Variants in KCNJ13 observed in about 807,000 individuals in gnomAD.
The protein encoded by KCNJ13 is potassium inwardly rectifying channel subfamily J member 13.
In KCNJ13, 9 loss-of-function variants were observed where a neutral mutation model predicts 24.6. The ratio of observed to expected loss-of-function variants is 0.37; its 90% confidence interval spans 0.22 to 0.64. The LOEUF is 0.64. Among genes scored for constraint, KCNJ13 ranks in the 30% least tolerant of loss-of-function variants. The pLI is 0.64. For synonymous variants in KCNJ13, 148 were observed against 154.7 expected (o/e 0.96, Z 0.32); for missense variants, 337 against 443.8 (o/e 0.76, Z 2.16).
At position 232,776,544 on chromosome 2, in the gene KCNJ13, T is replaced by G; in HGVS notation, c.-116A>C. 1.1e-6 allele frequency: 1 copy of G among 881,646 alleles called. No homozygotes were observed. Among genetic ancestry groups the G allele is most frequent in the Non-Finnish European group, 1.9e-6 (1 of 533,106 alleles). 54.6% of individuals were successfully genotyped at this position (881,646 alleles called of 1,614,324 possible). On this transcript the variant is annotated 5_prime_UTR_variant, in exon 1 of 3. Transcript: ENST00000233826. ...GATAATTTTAATCTACAAGTCTAGT[T>G]TGTAGGTTCTCTTCTTGGACTGGTT... is the stretch of plus-strand genomic sequence containing the variant.
chr2:232,771,224 T>C lies in KCNJ13; in HGVS notation c.139A>G (p.Ile47Val). Residue 47 changes from isoleucine (I) to valine (V), a missense_variant, in exon 2 of 3, where the codon ATC becomes GTC. By Grantham distance (29) the Ile-to-Val change is conservative. Coordinates refer to ENST00000233826, the MANE Select transcript of KCNJ13 (RefSeq NM_002242.4). ...GLAYLRDAWG[I>V]LMDMRWRWMM... ...CAACGCCAGCGCATGTCCATTAGGATTCCCCAAGCATCTCGAAGATATGCA... is the reference window on the plus strand; with the variant it reads ...CAACGCCAGCGCATGTCCATTAGGACTCCCCAAGCATCTCGAAGATATGCA... 3.1e-6 allele frequency: 5 copies of C among 1,611,642 alleles called. No homozygotes were observed. The highest frequency in any genetic ancestry group is 4.2e-6 in the Non-Finnish European group (5 of 1,177,932).
intron 1 of KCNJ13, among the ~76,000 whole-genome samples, chr2:232,773,604 C>G (rs552008515): frequency 6.6e-6 from 1 of 152,204 alleles, no homozygotes; most frequent in Non-Finnish European, 1.5e-5. Flanking sequence ...GCCCCTGAAA[C>G]TGTCTCAAGT....
intron 1 of KCNJ13, among the ~76,000 whole-genome samples, chr2:232,775,528 C>G (rs2106346200): frequency 6.6e-6 from 1 of 152,240 alleles, no homozygotes; most frequent in Non-Finnish European, 1.5e-5. Flanking sequence ...TAAGTCTCAT[C>G]AGCTGATCCC....
rs1255398950 is a variant in KCNJ13 at position 232,767,297 on chromosome 2, A to G, written c.*894T>C. ...AAGTTATATCTAAGTAAAGCTTTAT[A>G]TCTATAAAGACTTAAATATATTTTT... On this transcript the variant is annotated 3_prime_UTR_variant, in exon 3 of 3. Coordinates refer to ENST00000233826, the MANE Select transcript of KCNJ13 (RefSeq NM_002242.4). 1 of 152,202 alleles carries G rather than the reference A, an allele frequency of 6.6e-6. No individual in the cohort carries two copies. Among genetic ancestry groups the G allele is most frequent in the Non-Finnish European group, 1.5e-5 (1 of 68,024 alleles). The allele number at this position is 152,202 out of a possible 1,614,324, so 9.4% of individuals were successfully genotyped here.
At chr2:232,769,296 C>T (rs578025746) in intron 2 of KCNJ13, among the ~76,000 whole-genome samples, 11 of 151,882 alleles carry the variant, frequency 7.2e-5, no homozygotes, top group South Asian at 2.1e-4. Context: ...TTTGGGAGCC[C>T]GAGGCGGGCG....
intron 2 of KCNJ13, 131 bp downstream of exon 2, chr2:232,770,772 C>A (rs1299315904): frequency 1.5e-6 from 1 of 683,182 alleles, no homozygotes; most frequent in Non-Finnish European, 2.5e-6. Context: ...TTAGACATTA[C>A]CTGCTATCAA....
intron 2 of KCNJ13, 111 bp from the exon 3 acceptor site, chr2:232,768,924 T>C: frequency 1.1e-6 from 1 of 915,562 alleles, no homozygotes; most frequent in South Asian, 1.8e-5. Flanking sequence ...TGCCATGCCT[T>C]TCAGTGAGTC....
chr2:232,766,563 T>A lies in KCNJ13; in HGVS notation c.*1628A>T. The stretch of plus-strand genomic sequence containing the variant: ...CTGTCTTTATGTGTTACAATAGTCT[T>A]GGGTTGGGAAAATCTGTTGGTCTGA... On this transcript the variant is annotated 3_prime_UTR_variant, in exon 3 of 3. Coordinates refer to ENST00000233826, the MANE Select transcript of KCNJ13 (RefSeq NM_002242.4). 1 of 152,402 alleles carries A rather than the reference T, an allele frequency of 6.6e-6. No individual in the cohort carries two copies. Among genetic ancestry groups the A allele is most frequent in the East Asian group, 1.9e-4 (1 of 5,188 alleles). The allele number at this position is 152,402 out of a possible 1,614,324, so 9.4% of individuals were successfully genotyped here. A position where few individuals can be genotyped will look rare whatever the true frequency, so the allele number is the denominator to read the frequency against.
intron 1 of KCNJ13, among the ~76,000 whole-genome samples, chr2:232,775,520 A>G (rs922854814): frequency 1.3e-5 from 2 of 152,172 alleles, no homozygotes; most frequent in Admixed American, 6.6e-5. Context: ...CTGATATTTA[A>G]GTCTCATCAG....
At chr2:232,768,888 A>G (rs912138291) in intron 2 of KCNJ13, 75 bp from the exon 3 acceptor site, 74 of 1,284,678 alleles carry the variant, frequency 5.8e-5, no homozygotes, top group Non-Finnish European at 1.2e-5. Flanking sequence ...TGACAAGTGT[A>G]TATCAAATAT....
intron 2 of KCNJ13, among the ~76,000 whole-genome samples, chr2:232,770,532 G>C (rs1349230864): frequency 2.0e-5 from 3 of 151,844 alleles, no homozygotes; most frequent in African/African-American, 7.3e-5. Flanking sequence ...TGTCAAAATA[G>C]GTATTGAATG....
At position 232,765,991 on chromosome 2, in the gene KCNJ13, G is replaced by A. The variant is rs1431061946; in HGVS notation, c.*2200C>T. 1 of 470,616 alleles carries A rather than the reference G, an allele frequency of 2.1e-6. No homozygotes were observed. The highest frequency in any genetic ancestry group is 6.9e-5 in the East Asian group (1 of 14,404). 29.2% of individuals were successfully genotyped at this position (470,616 alleles called of 1,614,324 possible). On this transcript the variant is annotated 3_prime_UTR_variant, in exon 3 of 3. Coordinates refer to ENST00000233826, the MANE Select transcript of KCNJ13 (RefSeq NM_002242.4). ...CCCAGATGATCCAGGTTAGTGAGCT[G>A]CACATCCAGAAAGGCAGAGCAGCCA... is the stretch of plus-strand genomic sequence containing the variant.
chr2:232,769,255 G>A (rs1699116690), intron 2 of KCNJ13, among the ~76,000 whole-genome samples: 1 of 152,088 alleles, frequency 6.6e-6, no homozygotes, highest in Admixed American at 6.5e-5. Flanking sequence ...TTTTGGCCAG[G>A]CATGGTGTCT....
At chr2:232,772,450 A>G (rs973535201) in intron 1 of KCNJ13, among the ~76,000 whole-genome samples, 11 of 152,244 alleles carry the variant, frequency 7.2e-5, no homozygotes, top group African/African-American at 2.7e-4. Context: ...GAATAGTTCA[A>G]TGAACTAAAA....
intron 1 of KCNJ13, 122 bp downstream of exon 1, chr2:232,776,323 T>C (rs1294101251): frequency 5.7e-6 from 4 of 704,934 alleles, no homozygotes; most frequent in South Asian, 1.8e-5. Context: ...TCCTACACTA[T>C]AGATAATGTC....
intron 1 of KCNJ13, among the ~76,000 whole-genome samples, chr2:232,772,603 C>T (rs900477596): frequency 2.0e-5 from 3 of 152,164 alleles, no homozygotes; most frequent in Admixed American, 6.5e-5. Flanking sequence ...TGTAATCATC[C>T]TTGCGTATGA....
intron 1 of KCNJ13, among the ~76,000 whole-genome samples, chr2:232,772,010 G>A (rs938368092): frequency 3.3e-5 from 5 of 152,062 alleles, no homozygotes; most frequent in African/African-American, 1.2e-4. Flanking sequence ...TTAGAGACAG[G>A]GTCTTGCTCT....
At position 232,771,191 on chromosome 2, in the gene KCNJ13, A is replaced by G. The variant is rs1470912017; in HGVS notation, c.172T>C (p.Leu58=). Residue 58 remains leucine, a synonymous_variant, in exon 2 of 3, where the codon TTG becomes CTG. Coordinates refer to ENST00000233826, the MANE Select transcript of KCNJ13 (RefSeq NM_002242.4). ...LMDMRWRWMM[L]VFSASFVVHW... ...ACAACAAAAGAAGCAGAAAAGACCAACATCATCCAACGCCAGCGCATGTCC... is the reference window on the plus strand; with the variant it reads ...ACAACAAAAGAAGCAGAAAAGACCAGCATCATCCAACGCCAGCGCATGTCC... 1 of 1,613,634 alleles carries G rather than the reference A, an allele frequency of 6.2e-7. No homozygotes were observed. Among genetic ancestry groups the G allele is most frequent in the South Asian group, 1.1e-5 (1 of 91,076 alleles).
chr2:232,765,867 G>A lies in KCNJ13; in HGVS notation c.*2324C>T, dbSNP rs74547374. On this transcript the variant is annotated 3_prime_UTR_variant, in exon 3 of 3. Transcript: ENST00000233826. The stretch of plus-strand genomic sequence containing the variant: ...GGTAACGACATGCCTCCAGTTTGTT[G>A]AAACTGTCATGCTATCTTTATCAGT... 0.012 allele frequency: 5,491 copies of A among 464,662 alleles called. 59 individuals are homozygous for A. The highest frequency in any genetic ancestry group is 0.017 in the Non-Finnish European group (3,899 of 223,026). The allele number at this position is 464,662 out of a possible 1,614,324, so 28.8% of individuals were successfully genotyped here.
Sources: allele counts gnomAD v4.1 joint callset (sites outside exome capture counted in the v4.1 genomes callset), GRCh38; gene constraint gnomAD v4.1.1; transcripts MANE v1.5; gene names NCBI Gene and HGNC (gene_info 2026-07-23, HGNC 2026-07-21).